TMC7: variants seen among roughly 807,000 people sequenced by gnomAD.
TMC7 encodes transmembrane channel-like protein 7.
A neutral mutation model predicts 82.9 loss-of-function variants in TMC7; 54 were observed. The observed-to-expected ratio is 0.65, with a 90% CI of 0.52 to 0.82. The LOEUF (loss-of-function observed/expected upper bound fraction) is 0.82. Ranked by LOEUF, TMC7 falls within the 40% of genes least tolerant of loss-of-function variation. TMC7 has a pLI of 0.00. For missense variants in TMC7, 820 were observed against 901.2 expected, an observed-to-expected ratio of 0.91 and a Z score of 1.15; for synonymous variants, 350 against 337.9, an observed-to-expected ratio of 1.04 and a Z score of -0.39.
chr16:19,051,843 A>G, intron 13 of TMC7, 27 bp downstream of exon 13: 2 of 1,611,890 alleles, frequency 1.2e-6, no homozygotes, highest in South Asian at 1.1e-5. Flanking sequence ...TTTCTAGAAC[A>G]TTTCATTGCT....
chr16:19,043,827 C>T (rs886076811), intron 9 of TMC7, among the ~76,000 whole-genome samples: 2 of 152,144 alleles, frequency 1.3e-5, no homozygotes, highest in African/African-American at 4.8e-5. Flanking sequence ...CTGCCTCTAC[C>T]TCCCAAAGTG....
intron 13 of TMC7, among the ~76,000 whole-genome samples, chr16:19,054,944 C>T (rs1050642757): frequency 2.0e-5 from 3 of 151,872 alleles, no homozygotes; most frequent in Admixed American, 6.6e-5. Context: ...GACGGGGTTT[C>T]GCCATATTGG....
At position 19,041,136 on chromosome 16, in the gene TMC7, A is replaced by G. The variant is rs191913117; in HGVS notation, c.1337+690A>G. Reference sequence around the variant, plus strand: ...GGTCTTGAATTCCTGGGCTTCAGTGACCCTCCCACCTCCAGCTCCCAAATC... The same window carrying G: ...GGTCTTGAATTCCTGGGCTTCAGTGGCCCTCCCACCTCCAGCTCCCAAATC... On this transcript the variant is annotated intron_variant, in intron 9 of 15. Coordinates refer to ENST00000304381, the MANE Select transcript of TMC7 (RefSeq NM_024847.4). 3.9e-3 allele frequency among the ~76,000 whole-genome samples: 592 copies of G among 151,480 alleles called. 1 individual carries two copies. Among genetic ancestry groups the G allele is most frequent in the Non-Finnish European group, 5.2e-3 (352 of 67,836 alleles).
At chr16:19,056,163 C>G (rs913631912) in intron 13 of TMC7, among the ~76,000 whole-genome samples, 2 of 151,410 alleles carry the variant, frequency 1.3e-5, no homozygotes, top group Non-Finnish European at 2.9e-5. Flanking sequence ...AATCTCTGCT[C>G]ACTGCAACCT....
chr16:18,984,125 A>G lies in TMC7; in HGVS notation c.62A>G (p.His21Arg). The change falls in exon 1 of 16, where the codon CAT becomes CGT. Residue 21 changes from histidine to arginine, a missense_variant. His to Arg is a conservative substitution (Grantham distance 29, BLOSUM62 0). This residue lies in a region of TMC7 where 650 missense variants were observed against 669.9 expected (regional missense o/e 0.97). Transcript: ENST00000304381. ...AGGCCCAGCCGGCAGCCGGCGGTCC[A>G]TCCAGGTAGGGCGGCAGGGAGCGCG... ...PGRPSRQPAVHPENLSLDSSC... is the reference protein window; with the variant it reads ...PGRPSRQPAVRPENLSLDSSC... 1 of 1,501,854 alleles carries G rather than the reference A, an allele frequency of 6.7e-7. No individual in the cohort carries two copies. The highest frequency in any genetic ancestry group is 8.8e-7 in the Non-Finnish European group (1 of 1,133,390). The allele number at this position is 1,501,854 out of a possible 1,614,324, so 93.0% of individuals were successfully genotyped here.
rs1477564904 is a variant in TMC7, at chr16:19,040,281, C to T, written c.1180-8C>T. 1.9e-6 allele frequency: 3 copies of T among 1,611,308 alleles called. No homozygotes were observed. Among genetic ancestry groups the T allele is most frequent in the Middle Eastern group, 1.7e-4 (1 of 5,760 alleles). On this transcript the variant is annotated splice_polypyrimidine_tract_variant and splice_region_variant and intron_variant, in intron 8 of 15. Coordinates refer to ENST00000304381, the MANE Select transcript of TMC7 (RefSeq NM_024847.4). ...ACTCCTGACTAATAAGTTTTGTTAT[C>T]CTCCTAGGAAATCGACAAGATGGTT...
chr16:19,049,120 T>C (rs1596791001), intron 12 of TMC7, among the ~76,000 whole-genome samples: 1 of 151,848 alleles, frequency 6.6e-6, no homozygotes, highest in East Asian at 2.0e-4. Context: ...GCCTCCAGGG[T>C]TCAAGCGATT....
At chr16:19,053,143 T>A (rs1396906734) in intron 13 of TMC7, among the ~76,000 whole-genome samples, 1 of 152,160 alleles carries the variant, frequency 6.6e-6, no homozygotes, top group African/African-American at 2.4e-5. Flanking sequence ...AAATTGCTCC[T>A]TATCTTCACC....
At chr16:18,992,911 T>C (rs2038977394) in intron 1 of TMC7, among the ~76,000 whole-genome samples, 3 of 152,330 alleles carry the variant, frequency 2.0e-5, no homozygotes, top group African/African-American at 7.2e-5. Context: ...TGGTTGTAGA[T>C]GTGTGATATT....
Position 19,047,218 on chromosome 16 carries a change from T to G in TMC7, c.1709T>G (p.Leu570Arg). 1.2e-6 allele frequency: 2 copies of G among 1,613,950 alleles called. No individual in the cohort carries two copies. Among genetic ancestry groups the G allele is most frequent in the Non-Finnish European group, 1.7e-6 (2 of 1,179,994 alleles). ...FSPLLPAIAT[L>R]KFIIIFYVKE... Reference sequence around the variant, plus strand: ...CCCCTTCTCCCTGCAATTGCAACCCTGAAATTCATTATCATCTTCTATGTG... The same window carrying G: ...CCCCTTCTCCCTGCAATTGCAACCCGGAAATTCATTATCATCTTCTATGTG... The change falls in exon 12 of 16, where the codon CTG (leucine) becomes CGG (arginine). Residue 570 changes from leucine (L) to arginine (R), a missense_variant. Around this residue, in one of 2 missense-constraint regions of TMC7, gnomAD observed 170 missense variants for 231.3 expected, o/e 0.74. Coordinates refer to ENST00000304381, the MANE Select transcript of TMC7 (RefSeq NM_024847.4).
intron 1 of TMC7, among the ~76,000 whole-genome samples, chr16:18,987,663 C>T (rs1567495300): frequency 1.3e-5 from 2 of 152,142 alleles, no homozygotes; most frequent in African/African-American, 4.8e-5. Context: ...TGCCTTGTTT[C>T]CCTAGAACCT....
At chr16:19,051,914 A>G (rs1248581720) in intron 13 of TMC7, 98 bp downstream of exon 13, 13 of 1,392,164 alleles carry the variant, frequency 9.3e-6, no homozygotes, top group Admixed American at 9.3e-5. Flanking sequence ...TTTTTTTTTG[A>G]GATGGAGTCT....
intron 8 of TMC7, among the ~76,000 whole-genome samples, chr16:19,039,092 C>G (rs865959086): frequency 1.2e-3 from 158 of 130,456 alleles, no homozygotes; most frequent in African/African-American, 4.4e-3. Flanking sequence ...TTTCTTTTTT[C>G]TTTTTTTTTT....
chr16:19,011,308 T>G (rs968209825), intron 2 of TMC7, among the ~76,000 whole-genome samples: 1 of 152,046 alleles, frequency 6.6e-6, no homozygotes, highest in African/African-American at 2.4e-5. Flanking sequence ...TGACCTGGTG[T>G]AATGACAGAG....
At chr16:19,027,061 CTTTTTTTTTT>C (rs35769515) in intron 5 of TMC7, among the ~76,000 whole-genome samples, 9 of 56,566 alleles carry the variant, frequency 1.6e-4, no homozygotes, top group Admixed American at 3.3e-4. Flanking sequence ...CACACCTGAC[CTTTTTTTTTT>C]TTTTTTTTTT....
intron 3 of TMC7, among the ~76,000 whole-genome samples, chr16:19,017,965 T>C (rs529622880): frequency 6.6e-6 from 1 of 152,266 alleles, no homozygotes; most frequent in East Asian, 1.9e-4. Flanking sequence ...CCACCACGCC[T>C]GGCTCCAAAA....
intron 5 of TMC7, among the ~76,000 whole-genome samples, chr16:19,027,345 G>C (rs1567516409): frequency 6.6e-6 from 1 of 152,088 alleles, no homozygotes; most frequent in Non-Finnish European, 1.5e-5. Context: ...GGGATTACAG[G>C]TGTGAGCCAC....
intron 5 of TMC7, among the ~76,000 whole-genome samples, chr16:19,029,520 C>T (rs1960404128): frequency 6.6e-6 from 1 of 151,958 alleles, no homozygotes; most frequent in African/African-American, 2.4e-5. Flanking sequence ...TAGACATGCA[C>T]CTCTATGCCT....
chr16:19,009,244 G>A lies in TMC7; in HGVS notation c.140G>A (p.Arg47Gln), dbSNP rs758568496. 24 of 1,614,000 alleles carry A rather than the reference G, an allele frequency of 1.5e-5. No homozygotes were observed. In the Admixed American group the frequency reaches 1.7e-4, roughly 11 times the overall value. The change falls in exon 2 of 16, where the codon CGG becomes CAG. Residue 47 changes from arginine to glutamine, a missense_variant. This residue lies in a region of TMC7 where 650 missense variants were observed against 669.9 expected (regional missense o/e 0.97). Coordinates refer to ENST00000304381, the MANE Select transcript of TMC7 (RefSeq NM_024847.4). ...VNFLQELPSY[R>Q]SIARRRTTVH... Reference sequence around the variant, plus strand: ...TTCCTCCAAGAATTGCCAAGCTACCGGTCCATTGCACGTAGGAGAACGACT... The same window carrying A: ...TTCCTCCAAGAATTGCCAAGCTACCAGTCCATTGCACGTAGGAGAACGACT...
Sources: gnomAD v4.1 joint callset for allele counts (sites outside exome capture counted in the v4.1 genomes callset) on GRCh38, gnomAD v4.1.1 for gene constraint, gnomAD v4.1.1 regional missense constraint, MANE v1.5 for transcripts, NCBI Gene and HGNC (gene_info 2026-07-23, HGNC 2026-07-21) for gene names.